The following ZDHHC21 variants were observed in gnomAD, a reference collection of about 807,000 sequenced individuals.
The protein encoded by ZDHHC21 is zDHHC palmitoyltransferase 21.
Under a neutral mutation model 34.6 loss-of-function variants are expected in ZDHHC21, and 15 were observed. The observed-to-expected ratio is 0.43, with a 90% CI of 0.29 to 0.67. The LOEUF (loss-of-function observed/expected upper bound fraction) is 0.67, where lower values mean the gene tolerates loss of function less well. Ranked by LOEUF, ZDHHC21 falls within the 30% of genes least tolerant of loss-of-function variation. The pLI, the probability that ZDHHC21 is intolerant of heterozygous loss-of-function variation, is 0.14. For missense variants in ZDHHC21, 344 were observed against 327.7 expected, an observed-to-expected ratio of 1.05 and a Z score of -0.38; for synonymous variants, 142 against 101.8, an observed-to-expected ratio of 1.40 and a Z score of -2.38.
At chr9:14,602,900 C>A in the ZDHHC21 span, among the ~76,000 whole-genome samples, 1 of 127,194 alleles carries the variant, frequency 7.9e-6, no homozygotes. Context: ...TTCCAGCAGC[C>A]TGGAAAACAG....
At chr9:14,675,201 A>C (rs912456645) in intron 3 of ZDHHC21, among the ~76,000 whole-genome samples, 2 of 151,916 alleles carry the variant, frequency 1.3e-5, no homozygotes, top group Non-Finnish European at 2.9e-5. Flanking sequence ...AGGACTTAAA[A>C]TACTTCTATA....
intron 7 of ZDHHC21, among the ~76,000 whole-genome samples, chr9:14,658,391 T>C (rs1832677278): frequency 6.6e-6 from 1 of 150,842 alleles, no homozygotes; most frequent in Non-Finnish European, 1.5e-5. Context: ...TTTCCAATCT[T>C]TTGTACTTAA....
At chr9:14,594,444 T>C in the ZDHHC21 span, among the ~76,000 whole-genome samples, 2 of 152,132 alleles carry the variant, frequency 1.3e-5, no homozygotes. Flanking sequence ...GCCAAAACAA[T>C]TCAATGGGGA....
chr9:14,631,079 C>T (rs1255306466), intron 8 of ZDHHC21, among the ~76,000 whole-genome samples: 4 of 152,152 alleles, frequency 2.6e-5, no homozygotes, highest in Non-Finnish European at 1.5e-5. Flanking sequence ...AGCCAGGTAT[C>T]GACTTCTCCT....
At chr9:14,622,829 C>T in intron 8 of ZDHHC21, 1 of 667,002 alleles carries the variant, frequency 1.5e-6, no homozygotes, top group Non-Finnish European at 1.9e-6. Context: ...TGCCAAACTG[C>T]AGACCTGAGG....
chr9:14,596,805 G>A, the ZDHHC21 span, among the ~76,000 whole-genome samples: 1 of 152,156 alleles, frequency 6.6e-6, no homozygotes, highest in Non-Finnish European at 1.5e-5. Flanking sequence ...CGTGGCACTT[G>A]TCTCCTCCAG....
chr9:14,683,209 G>A (rs1258837060), intron 2 of ZDHHC21, among the ~76,000 whole-genome samples: 1 of 150,470 alleles, frequency 6.6e-6, no homozygotes, highest in Non-Finnish European at 1.5e-5. Flanking sequence ...AGGAGATAGA[G>A]AGACAAAAAA....
downstream of ZDHHC21, among the ~76,000 whole-genome samples, chr9:14,606,157 A>G (rs1823009320): frequency 6.6e-6 from 1 of 152,200 alleles, no homozygotes. Flanking sequence ...TAATTTCCAA[A>G]GATGTCCTCA....
rs1026236148 is a variant in ZDHHC21, at chr9:14,665,823, T to A, written c.254-3497A>T. Among the ~76,000 whole-genome samples the A allele has an allele frequency of 7.6e-3, 1,122 of 148,382 alleles. 5 individuals carry two copies. The highest frequency in any genetic ancestry group is 0.011 in the Non-Finnish European group (706 of 67,000). ...TGACCAATTTTGTCACCACCAGGCC[T>A]GCCCTAAAAGAGCTCCTGAAGGAAG... On this transcript the variant is annotated intron_variant, in intron 5 of 9. Coordinates refer to ENST00000380916, the MANE Select transcript of ZDHHC21 (RefSeq NM_178566.6).
intron 3 of ZDHHC21, among the ~76,000 whole-genome samples, chr9:14,675,916 A>T (rs1368147757): frequency 6.6e-6 from 1 of 151,910 alleles, no homozygotes; most frequent in African/African-American, 2.4e-5. Context: ...TAGGAGGAGC[A>T]AGAGTAGAAA....
At chr9:14,663,964 C>G (rs1833880137) in intron 5 of ZDHHC21, among the ~76,000 whole-genome samples, 1 of 152,112 alleles carries the variant, frequency 6.6e-6, no homozygotes, top group Non-Finnish European at 1.5e-5. Flanking sequence ...CTCAATGCTC[C>G]CAAACATCCC....
chr9:14,638,763 A>G (rs1828755011), intron 8 of ZDHHC21, among the ~76,000 whole-genome samples: 2 of 152,066 alleles, frequency 1.3e-5, no homozygotes, highest in Admixed American at 1.3e-4. Flanking sequence ...AGGTATATGA[A>G]AAGTACCATC....
chr9:14,687,259 T>C (rs73409711), intron 2 of ZDHHC21, among the ~76,000 whole-genome samples: 2,314 of 150,732 alleles, frequency 0.015, 243 homozygotes, highest in African/African-American at 0.056. Flanking sequence ...AAATCCTACT[T>C]TACATTTATA....
At chr9:14,692,999 G>A (rs932011248) in intron 1 of ZDHHC21, among the ~76,000 whole-genome samples, 2 of 151,924 alleles carry the variant, frequency 1.3e-5, no homozygotes, top group Non-Finnish European at 2.9e-5. Flanking sequence ...TGTAGCTCTA[G>A]CAGAAGACGC....
intron 2 of ZDHHC21, among the ~76,000 whole-genome samples, chr9:14,688,920 T>C (rs1329493405): frequency 6.6e-6 from 1 of 151,870 alleles, no homozygotes; most frequent in African/African-American, 2.4e-5. Flanking sequence ...GGCACATGCC[T>C]GTAGTCCCAG....
In ZDHHC21 at chr9:14,693,243, C is replaced by G. The variant is rs1009236112; in HGVS notation, c.-239G>C. 4 of 411,110 alleles carry G rather than the reference C, an allele frequency of 9.7e-6. No homozygotes were observed. Among genetic ancestry groups the G allele is most frequent in the Admixed American group, 8.1e-5 (3 of 37,056 alleles). 25.5% of individuals were successfully genotyped at this position (411,110 alleles called of 1,614,324 possible). On this transcript the variant is annotated 5_prime_UTR_variant, in exon 1 of 10. Coordinates refer to ENST00000380916, the MANE Select transcript of ZDHHC21 (RefSeq NM_178566.6). ...TGCACACTCACCGTCGCCGCTGGCT[C>G]GCCTCTCGCTGCCGCCGCTCTCCCG...
chr9:14,635,367 T>G (rs1214439345), intron 8 of ZDHHC21, among the ~76,000 whole-genome samples: 1 of 152,144 alleles, frequency 6.6e-6, no homozygotes, highest in African/African-American at 2.4e-5. Context: ...AAAAAGGTCT[T>G]CTCCGATTTG....
chr9:14,664,389 A>T (rs1036822196), intron 5 of ZDHHC21, among the ~76,000 whole-genome samples: 1 of 151,020 alleles, frequency 6.6e-6, no homozygotes, highest in African/African-American at 2.4e-5. Flanking sequence ...TTGCTAGCAC[A>T]GCAGTCTGAG....
At chr9:14,609,027 G>C (rs1823111445), downstream of ZDHHC21, among the ~76,000 whole-genome samples, 1 of 152,024 alleles carries the variant, frequency 6.6e-6, no homozygotes, top group Non-Finnish European at 1.5e-5. Context: ...TCACTTATCA[G>C]AGTCAATGAA....
Sources: allele counts gnomAD v4.1 joint callset (sites outside exome capture counted in the v4.1 genomes callset), GRCh38; gene constraint gnomAD v4.1.1; transcripts MANE v1.5; gene names NCBI Gene and HGNC (gene_info 2026-07-23, HGNC 2026-07-21).